The following HLCS variants were observed in gnomAD, a reference collection of about 807,000 sequenced individuals.
HLCS encodes biotin--protein ligase.
HLCS carries 53 observed loss-of-function variants against 75.0 expected under a neutral mutation model. That is an observed-to-expected ratio of 0.71 (90% CI 0.57 to 0.89). The LOEUF (loss-of-function observed/expected upper bound fraction) is 0.89. Ranked by LOEUF, HLCS falls within the 40% of genes least tolerant of loss-of-function variation. The probability of loss-of-function intolerance (pLI) is 0.00; values close to 1 mark genes in which losing one functional copy is unlikely to be tolerated. For missense variants in HLCS, 966 were observed against 1,074.0 expected (o/e 0.90, Z 1.41); for synonymous variants, 431 against 428.6 (o/e 1.01, Z -0.07).
Position 36,750,820 on chromosome 21 carries a change from T to C in HLCS, c.*3426A>G, listed in dbSNP as rs377465387. 10 of 151,544 alleles carry C rather than the reference T, an allele frequency of 6.6e-5. 1 individual carries two copies. Among genetic ancestry groups the C allele is most frequent in the Admixed American group, 3.3e-4 (5 of 15,176 alleles). 9.4% of individuals were successfully genotyped at this position (151,544 alleles called of 1,614,324 possible). On this transcript the variant is annotated 3_prime_UTR_variant, in exon 11 of 11. Transcript: ENST00000674895. ...AGATTAAAATCTTGGGGGGAAAAAC[T>C]GTTCAGATGAAAAGTCAAGTCAAGA...
At chr21:36,816,969 G>A (rs1460909342) in intron 6 of HLCS, among the ~76,000 whole-genome samples, 1 of 152,180 alleles carries the variant, frequency 6.6e-6, no homozygotes, top group Non-Finnish European at 1.5e-5. Flanking sequence ...TCAGATCCCA[G>A]TAAGACTTTC....
rs1232760136 is a variant in HLCS, at chr21:36,751,071, TAC to T, written c.*3173_*3174del. ...TACTTGGAAATACGTACATATTCCT[TAC>T]TATGTAAAACACTTTATTTATTTTG... On this transcript the variant is annotated 3_prime_UTR_variant, in exon 11 of 11. Coordinates refer to ENST00000674895, the MANE Select transcript of HLCS (RefSeq NM_001352514.2). 3 of 150,586 alleles carry T rather than the reference TAC, an allele frequency of 2.0e-5. No individual in the cohort carries two copies. The East Asian group carries it at 5.8e-4, about 29-fold the overall frequency. The allele number at this position is 150,586 out of a possible 1,614,324, so 9.3% of individuals were successfully genotyped here.
intron 6 of HLCS, among the ~76,000 whole-genome samples, chr21:36,799,263 G>C (rs2061124079): frequency 6.6e-6 from 1 of 152,118 alleles, no homozygotes; most frequent in Non-Finnish European, 1.5e-5. Context: ...ACCATTTATT[G>C]AAATGGCTAT....
chr21:36,764,979 C>A, intron 8 of HLCS, 33 bp downstream of exon 8: 1 of 1,611,302 alleles, frequency 6.2e-7, no homozygotes, highest in Non-Finnish European at 8.5e-7. Context: ...GCATGCATCC[C>A]AGGGACATAG....
chr21:36,894,679 A>C (rs949386837), intron 6 of HLCS, among the ~76,000 whole-genome samples: 2 of 152,198 alleles, frequency 1.3e-5, no homozygotes, highest in African/African-American at 4.8e-5. Context: ...AAACCAAACA[A>C]GAAGAGAAAC....
At chr21:36,814,466 T>C (rs910458803) in intron 6 of HLCS, among the ~76,000 whole-genome samples, 8 of 152,206 alleles carry the variant, frequency 5.3e-5, no homozygotes, top group Non-Finnish European at 8.8e-5. Flanking sequence ...ACTAAAAAGC[T>C]ATCTGTTGTT....
At position 36,966,576 on chromosome 21, in the gene HLCS, G is replaced by T. The variant is rs1163835149; in HGVS notation, c.63C>A (p.Leu21=). ...GCAGCCGCCGCACCGTGGCGCGCAC[G>T]AGCTCAGCCGGCCGGCGACCCCAGC... ...WARWGRRPAE[L]VRATVRRLRA... The change falls in exon 1 of 11, where the codon CTC becomes CTA. Residue 21 remains leucine (L), a synonymous_variant. Transcript: ENST00000674895. 1.0e-5 allele frequency: 10 copies of T among 996,754 alleles called. No homozygotes were observed. The highest frequency in any genetic ancestry group is 1.2e-5 in the Non-Finnish European group (10 of 839,256). 61.7% of individuals were successfully genotyped at this position (996,754 alleles called of 1,614,324 possible). A position where few individuals can be genotyped will look rare whatever the true frequency, so the allele number is the denominator to read the frequency against.
rs772791252 is a variant in HLCS at position 36,759,829 on chromosome 21, G to A, written c.2134C>T (p.Arg712Ter). Residue 712 changes from arginine to a stop codon, truncating the protein, a stop_gained, in exon 9 of 11, where the codon CGA becomes TGA. Coordinates refer to ENST00000674895, the MANE Select transcript of HLCS (RefSeq NM_001352514.2). LOFTEE classifies it high-confidence loss of function. Reference sequence around the variant, plus strand: ...TAAATATCGTTGGGCCACTTCACTCGTAAGTTGATATCCTAAAGGGAAATC... The same window carrying A: ...TAAATATCGTTGGGCCACTTCACTCATAAGTTGATATCCTAAAGGGAAATC... ...SIPEYQDINL[R>*]VKWPNDIYYS... 25 of 1,607,176 alleles carry A rather than the reference G, an allele frequency of 1.6e-5. No homozygotes were observed. Among genetic ancestry groups the A allele is most frequent in the East Asian group, 8.9e-5 (4 of 44,848 alleles).
chr21:36,953,954 G>A (rs962750209), intron 2 of HLCS, among the ~76,000 whole-genome samples: 11 of 152,124 alleles, frequency 7.2e-5, no homozygotes, highest in East Asian at 5.8e-4. Context: ...CAGTACTCAC[G>A]TATTTCTGGT....
intron 2 of HLCS, among the ~76,000 whole-genome samples, chr21:36,939,529 G>T (rs1375785355): frequency 1.3e-5 from 2 of 152,194 alleles, no homozygotes; most frequent in African/African-American, 4.8e-5. Flanking sequence ...TTTAAAACAT[G>T]CTTCCCCTGG....
intron 5 of HLCS, among the ~76,000 whole-genome samples, chr21:36,900,359 C>T (rs1043947281): frequency 1.3e-5 from 2 of 152,118 alleles, no homozygotes; most frequent in African/African-American, 2.4e-5. Context: ...TAAAGGGATT[C>T]CAGCAAGTGC....
intron 6 of HLCS, among the ~76,000 whole-genome samples, chr21:36,774,651 C>T (rs1385684764): frequency 6.6e-6 from 1 of 152,064 alleles, no homozygotes; most frequent in Admixed American, 6.5e-5. Context: ...ATACGTGATG[C>T]CTCTCCTCTC....
At chr21:36,873,045 T>C (rs2063825756) in intron 6 of HLCS, among the ~76,000 whole-genome samples, 1 of 152,234 alleles carries the variant, frequency 6.6e-6, no homozygotes, top group South Asian at 2.1e-4. Flanking sequence ...TATCTCACTG[T>C]GCTTTTAATC....
intron 2 of HLCS, chr21:36,944,226 TGGA>T (rs1372061612): frequency 3.9e-5 from 6 of 152,192 alleles, no homozygotes; most frequent in African/African-American, 1.4e-4. Context: ...ATGCACAACA[TGGA>T]TGGATTTCAA....
intron 6 of HLCS, among the ~76,000 whole-genome samples, chr21:36,884,800 T>C (rs922226326): frequency 2.0e-5 from 3 of 152,142 alleles, no homozygotes; most frequent in Admixed American, 1.3e-4. Flanking sequence ...AATAAACATC[T>C]GGGGTTTTTT....
chr21:36,962,167 T>C lies in HLCS; in HGVS notation c.199A>G (p.Ile67Val). 7.8e-7 allele frequency: 1 copy of C among 1,288,782 alleles called. No homozygotes were observed. Among genetic ancestry groups the C allele is most frequent in the Non-Finnish European group, 1.0e-6 (1 of 987,988 alleles). 79.8% of individuals were successfully genotyped at this position (1,288,782 alleles called of 1,614,324 possible). ...RVFCVSDSQS[I>V]EDLNKWALFL... ...AGGGCCCACTTGTTCAAGTCTTCAA[T>C]GGACTGTATAGAGGGAAAGAAATAT... The change falls in exon 2 of 11, where the codon ATT (isoleucine) becomes GTT (valine). Residue 67 changes from isoleucine (I) to valine (V), a missense_variant. Physicochemically the swap from Ile to Val is conservative, Grantham distance 29. Transcript: ENST00000674895.
chr21:36,778,368 C>A (rs2145825548), intron 6 of HLCS, among the ~76,000 whole-genome samples: 1 of 152,102 alleles, frequency 6.6e-6, no homozygotes, highest in East Asian at 1.9e-4. Flanking sequence ...CAACCCCTGC[C>A]TCCTGGGTTC....
chr21:36,779,507 A>G (rs1601209112), intron 6 of HLCS, among the ~76,000 whole-genome samples: 1 of 152,128 alleles, frequency 6.6e-6, no homozygotes, highest in Non-Finnish European at 1.5e-5. Context: ...CAATAGTGGG[A>G]AATCTGGCTT....
chr21:36,967,036 G>C (rs1363844115), upstream of HLCS, among the ~76,000 whole-genome samples: 1 of 151,952 alleles, frequency 6.6e-6, no homozygotes, highest in Non-Finnish European at 1.5e-5. Flanking sequence ...TTGTGGATGC[G>C]GGGGAGGGGA....
Sources: allele counts gnomAD v4.1 joint callset (sites outside exome capture counted in the v4.1 genomes callset), GRCh38; gene constraint gnomAD v4.1.1; transcripts MANE v1.5; gene names NCBI Gene and HGNC (gene_info 2026-07-23, HGNC 2026-07-21).